CDC25A: variants seen among roughly 807,000 people sequenced by gnomAD.
The protein encoded by CDC25A is M-phase inducer phosphatase 1.
Under a neutral mutation model 64.6 loss-of-function variants are expected in CDC25A, and 17 were observed. That is an observed-to-expected ratio of 0.26 (90% CI 0.18 to 0.39). The LOEUF (loss-of-function observed/expected upper bound fraction) is 0.39, where lower values mean the gene tolerates loss of function less well. Ranked by LOEUF, CDC25A falls within the 10% of genes least tolerant of loss-of-function variation. The pLI is 1.00. For synonymous variants in CDC25A, 229 were observed against 238.6 expected (o/e 0.96, Z 0.37); for missense variants, 473 against 654.8 (o/e 0.72, Z 3.03).
chr3:48,175,206 A>G (rs1460211018), intron 8 of CDC25A, among the ~76,000 whole-genome samples: 1 of 152,196 alleles, frequency 6.6e-6, no homozygotes, highest in Admixed American at 6.5e-5. Context: ...CTGAGGCACG[A>G]GAATCACTTG....
At chr3:48,168,408 A>ACACACACACACAC (rs2032132091) in intron 9 of CDC25A, among the ~76,000 whole-genome samples, 31 of 144,312 alleles carry the variant, frequency 2.1e-4, no homozygotes, top group East Asian at 8.1e-4. Flanking sequence ...ACACACACAC[A>ACACACACACACAC]AGCTGGGCAT....
In CDC25A at chr3:48,182,516, C is replaced by A. The variant is rs796286119; in HGVS notation, c.429+413G>T. ...TACAAATACTGCCAAAGAGCCTTTT[C>A]CTAAGCTTACAATTCATTTCAGGGT... On this transcript the variant is annotated intron_variant, in intron 5 of 14. Coordinates refer to ENST00000302506, the MANE Select transcript of CDC25A (RefSeq NM_001789.3). Among the ~76,000 whole-genome samples, 6 of 152,258 alleles carry A rather than the reference C, an allele frequency of 3.9e-5. No homozygotes were observed. In the South Asian group the frequency reaches 1.0e-3, roughly 26 times the overall value.
At position 48,182,976 on chromosome 3, in the gene CDC25A, C is replaced by T; in HGVS notation, c.382G>A (p.Asp128Asn). The T allele has an allele frequency of 6.2e-7, 1 of 1,613,818 alleles. No individual in the cohort carries two copies. The highest frequency in any genetic ancestry group is 8.5e-7 in the Non-Finnish European group (1 of 1,179,768). The change falls in exon 5 of 15, where the codon GAC (aspartate) becomes AAC (asparagine). Residue 128 changes from aspartate to asparagine, a missense_variant. Physicochemically the swap from Asp to Asn is conservative, Grantham distance 23. Transcript: ENST00000302506. ...ALKRSHSDSL[D>N]HDIFQLIDPD... ...TCGATGAGCTGAAAGATGTCATGGT[C>T]AAGAGAATCAGAATGGCTCCTCTTC...
chr3:48,177,712 T>C (rs764966111), intron 7 of CDC25A, 142 bp downstream of exon 7: 8 of 969,030 alleles, frequency 8.3e-6, no homozygotes, highest in Non-Finnish European at 1.1e-5. Context: ...TATTATTAAA[T>C]GAATTATCAC....
chr3:48,184,278 G>C (rs1575273924), intron 3 of CDC25A, among the ~76,000 whole-genome samples: 1 of 151,978 alleles, frequency 6.6e-6, no homozygotes. Context: ...AGGAGAATCA[G>C]TTGAACCTGG....
intron 12 of CDC25A, among the ~76,000 whole-genome samples, chr3:48,165,074 C>T (rs1330893951): frequency 1.5e-5 from 2 of 136,726 alleles, no homozygotes; most frequent in Non-Finnish European, 3.1e-5. Context: ...CATGCCACTG[C>T]ACTCCAGCCT....
At chr3:48,183,398 A>C (rs1421687829) in intron 4 of CDC25A, among the ~76,000 whole-genome samples, 1 of 152,242 alleles carries the variant, frequency 6.6e-6, no homozygotes, top group African/African-American at 2.4e-5. Context: ...TTGAGTACTT[A>C]TGAGACTAAG....
intron 2 of CDC25A, among the ~76,000 whole-genome samples, chr3:48,185,053 G>A (rs1477213955): frequency 6.6e-6 from 1 of 152,120 alleles, no homozygotes; most frequent in Non-Finnish European, 1.5e-5. Flanking sequence ...AGAAACAATA[G>A]GTACCAGATT....
Position 48,180,739 on chromosome 3 carries a change from G to GTT in CDC25A, c.529_530dup (p.Asn177LysfsTer32). 1 of 1,614,104 alleles carries GTT rather than the reference G, an allele frequency of 6.2e-7. No homozygotes were observed. The highest frequency in any genetic ancestry group is 8.5e-7 in the Non-Finnish European group (1 of 1,179,948). ...CACATACCATCCGAGCTGGGGCAGA[G>GTT]TTCTGCCTCTGTGTGAAGAGATCTT... On this transcript the variant is annotated frameshift_variant, in exon 6 of 15. Coordinates refer to ENST00000302506, the MANE Select transcript of CDC25A (RefSeq NM_001789.3). LOFTEE classifies it high-confidence loss of function.
At chr3:48,163,251 C>T (rs868351394) in intron 13 of CDC25A, among the ~76,000 whole-genome samples, 1 of 147,242 alleles carries the variant, frequency 6.8e-6, no homozygotes, top group South Asian at 2.2e-4. Context: ...CCACTGCATT[C>T]CAGTCTGGGT....
intron 8 of CDC25A, among the ~76,000 whole-genome samples, chr3:48,176,464 C>T (rs1255289478): frequency 6.7e-6 from 1 of 148,384 alleles, no homozygotes; most frequent in Non-Finnish European, 1.5e-5. Flanking sequence ...TCTACATATA[C>T]TATGCTTTCT....
intron 9 of CDC25A, among the ~76,000 whole-genome samples, chr3:48,173,228 GAC>G (rs1385372005): frequency 2.1e-5 from 3 of 143,718 alleles, no homozygotes; most frequent in Non-Finnish European, 3.0e-5. Context: ...AAAAAAAAAA[GAC>G]AGACCTTTAT....
intron 2 of CDC25A, among the ~76,000 whole-genome samples, chr3:48,186,225 C>T (rs1313544629): frequency 6.6e-6 from 1 of 152,174 alleles, no homozygotes; most frequent in African/African-American, 2.4e-5. Context: ...ACATTTGAAA[C>T]CTATTTCCTT....
chr3:48,187,680 G>C, intron 1 of CDC25A, 98 bp downstream of exon 1: 3 of 1,191,804 alleles, frequency 2.5e-6, no homozygotes, highest in Non-Finnish European at 3.4e-6. Context: ...CCGGACGGAC[G>C]GGTCTCGCCC....
At chr3:48,182,775 G>T (rs973505514) in intron 5 of CDC25A, among the ~76,000 whole-genome samples, 154 bp downstream of exon 5, 1 of 152,218 alleles carries the variant, frequency 6.6e-6, no homozygotes, top group Non-Finnish European at 1.5e-5. Context: ...CACACAGCTA[G>T]TAAGCAGGAT....
chr3:48,169,734 G>A (rs950490301), intron 9 of CDC25A, among the ~76,000 whole-genome samples: 3 of 152,330 alleles, frequency 2.0e-5, no homozygotes, highest in Admixed American at 6.5e-5. Context: ...TCTGCCGGGC[G>A]TGGTGGCTCA....
chr3:48,167,803 C>T, intron 10 of CDC25A, 43 bp downstream of exon 10: 1 of 1,063,920 alleles, frequency 9.4e-7, no homozygotes, highest in South Asian at 1.3e-5. Context: ...TAAATACCCA[C>T]ACTCCCTCCT....
At position 48,177,900 on chromosome 3, in the gene CDC25A, T is replaced by G. The variant is rs2032523234; in HGVS notation, c.638A>C (p.Asp213Ala). ...PQSPVTATLS[D>A]EDDGFVDLLD... is the part of the protein sequence containing the mutation. ...AAGGTCCACGAAGCCATCATCCTCA[T>G]CAGACAAAGTGGCTGTCACAGGTGA... Residue 213 changes from aspartate to alanine, a missense_variant, in exon 7 of 15, where the codon GAT becomes GCT. Asp to Ala is a moderately radical substitution (Grantham distance 126). Around this residue, in one of 2 missense-constraint regions of CDC25A, gnomAD observed 376 missense variants for 431.9 expected, o/e 0.87. Transcript: ENST00000302506. The G allele has an allele frequency of 6.2e-7, 1 of 1,613,862 alleles. No individual in the cohort carries two copies.
intron 6 of CDC25A, among the ~76,000 whole-genome samples, chr3:48,178,369 C>A (rs2032543239): frequency 6.6e-6 from 1 of 152,152 alleles, no homozygotes; most frequent in South Asian, 2.1e-4. Flanking sequence ...AGATGCAAAT[C>A]TCTATAAAGA....
Sources: allele counts gnomAD v4.1 joint callset (sites outside exome capture counted in the v4.1 genomes callset), GRCh38; gene constraint gnomAD v4.1.1; regional missense constraint gnomAD v4.1.1; transcripts MANE v1.5; gene names NCBI Gene and HGNC (gene_info 2026-07-23, HGNC 2026-07-21).